Variants in ZNF724 observed in about 807,000 individuals in gnomAD.
ZNF724 encodes zinc finger protein 724.
ZNF724 carries 14 observed loss-of-function variants against 29.3 expected under a neutral mutation model. The observed-to-expected ratio is 0.48, with a 90% CI of 0.32 to 0.75. The LOEUF is 0.75. Among genes scored for constraint, ZNF724 ranks in the 30% least tolerant of loss-of-function variants. ZNF724 has a pLI of 0.04. For synonymous variants in ZNF724, 180 were observed against 193.6 expected (o/e 0.93, Z 0.58); for missense variants, 557 against 571.2 (o/e 0.98, Z 0.25).
At chr19:23,227,333 T>C (rs1207957472) in intron 3 of ZNF724, among the ~76,000 whole-genome samples, 2 of 151,930 alleles carry the variant, frequency 1.3e-5, no homozygotes, top group African/African-American at 2.4e-5. Context: ...GGCAGGTGGA[T>C]CACTTGAGGT....
chr19:23,222,038 C>T lies in ZNF724; in HGVS notation c.*347G>A, dbSNP rs1971724606. Reference sequence around the variant, plus strand: ...ATAAGATGTGAACAGATATTAATGGCTTCTTCACATTCTTTACATTTGCAT... The same window carrying T: ...ATAAGATGTGAACAGATATTAATGGTTTCTTCACATTCTTTACATTTGCAT... On this transcript the variant is annotated 3_prime_UTR_variant, in exon 4 of 4. Coordinates refer to ENST00000418100, the MANE Select transcript of ZNF724 (RefSeq NM_001355404.2). The T allele has an allele frequency of 4.3e-6, 1 of 230,732 alleles. No individual in the cohort carries two copies. The highest frequency in any genetic ancestry group is 2.3e-5 in the African/African-American group (1 of 43,678). 14.3% of individuals were successfully genotyped at this position (230,732 alleles called of 1,614,324 possible). A position where few individuals can be genotyped will look rare whatever the true frequency, so the allele number is the denominator to read the frequency against.
At chr19:23,241,047 CAACAACAAA>C (rs965734577) in intron 1 of ZNF724, among the ~76,000 whole-genome samples, 11 of 151,414 alleles carry the variant, frequency 7.3e-5, no homozygotes, top group Admixed American at 4.6e-4. Context: ...ACAACAACAA[CAACAACAAA>C]AAAAAAAGAC....
intron 1 of ZNF724, among the ~76,000 whole-genome samples, chr19:23,240,865 C>A (rs1972111452): frequency 6.6e-6 from 1 of 151,994 alleles, no homozygotes. Flanking sequence ...AACCCTGTAT[C>A]TACTAAAAAT....
At chr19:23,227,085 T>A (rs1162061401) in intron 3 of ZNF724, among the ~76,000 whole-genome samples, 2 of 152,200 alleles carry the variant, frequency 1.3e-5, no homozygotes, top group Non-Finnish European at 2.9e-5. Flanking sequence ...AGGCAGGTAT[T>A]ATGAATCACT....
intron 1 of ZNF724, among the ~76,000 whole-genome samples, chr19:23,247,098 C>T (rs1972251936): frequency 6.6e-6 from 1 of 152,182 alleles, no homozygotes; most frequent in Non-Finnish European, 1.5e-5. Context: ...TGGTGTGCAC[C>T]TGTAATCCCA....
Position 23,223,442 on chromosome 19 carries a change from T to C in ZNF724, c.803A>G (p.His268Arg), listed in dbSNP as rs770183415. 5.2e-6 allele frequency: 4 copies of C among 766,472 alleles called. No individual in the cohort carries two copies. Among genetic ancestry groups the C allele is most frequent in the South Asian group, 1.4e-5 (1 of 73,370 alleles). The allele number at this position is 766,472 out of a possible 1,614,324, so 47.5% of individuals were successfully genotyped here. Residue 268 changes from histidine to arginine, a missense_variant, in exon 4 of 4, where the codon CAC (histidine) becomes CGC (arginine). His to Arg is a conservative substitution (Grantham distance 29). Coordinates refer to ENST00000418100, the MANE Select transcript of ZNF724 (RefSeq NM_001355404.2). Reference protein sequence around the residue: ...ECGKAFNISSHLTTHKIIHTG... With the variant: ...ECGKAFNISSRLTTHKIIHTG... ...ATGAATTATCTTATGTGTAGTAAGG[T>C]GTGAGGATATGTTAAAAGCTTTTCC... is the stretch of plus-strand genomic sequence containing the variant.
chr19:23,234,336 A>C (rs1971988097), intron 1 of ZNF724, among the ~76,000 whole-genome samples: 1 of 152,236 alleles, frequency 6.6e-6, no homozygotes, highest in Admixed American at 6.5e-5. Flanking sequence ...TAGCCATGTA[A>C]TTTGAGTGCC....
chr19:23,236,098 G>C (rs1273070266), intron 1 of ZNF724, among the ~76,000 whole-genome samples: 1 of 152,174 alleles, frequency 6.6e-6, no homozygotes. Context: ...ATGACAGGAG[G>C]TAATTTTGCA....
At chr19:23,226,132 A>G (rs1971822398) in intron 3 of ZNF724, among the ~76,000 whole-genome samples, 1 of 148,924 alleles carries the variant, frequency 6.7e-6, no homozygotes, top group African/African-American at 2.5e-5. Flanking sequence ...GCTCACTGCA[A>G]GCTCTACCTC....
intron 1 of ZNF724, among the ~76,000 whole-genome samples, chr19:23,239,345 A>G: frequency 6.6e-6 from 1 of 152,200 alleles, no homozygotes; most frequent in East Asian, 1.9e-4. Context: ...AGCAAATTCA[A>G]TTTTCCCAAA....
intron 1 of ZNF724, among the ~76,000 whole-genome samples, chr19:23,240,775 T>C (rs1039638926): frequency 1.4e-5 from 2 of 147,250 alleles, no homozygotes; most frequent in South Asian, 2.1e-4. Flanking sequence ...TTCATGCCTG[T>C]AATCCCAGCA....
At chr19:23,249,669 C>T (rs1972312936) in intron 1 of ZNF724, among the ~76,000 whole-genome samples, 1 of 151,872 alleles carries the variant, frequency 6.6e-6, no homozygotes, top group African/African-American at 2.4e-5. Flanking sequence ...AAAGTGCTAG[C>T]ATTATAGGCG....
At chr19:23,241,786 G>C (rs1972128864) in intron 1 of ZNF724, among the ~76,000 whole-genome samples, 1 of 152,132 alleles carries the variant, frequency 6.6e-6, no homozygotes, top group Non-Finnish European at 1.5e-5. Context: ...CATACTAAAT[G>C]GACACAAGCT....
chr19:23,223,190 G>A lies in ZNF724; in HGVS notation c.1055C>T (p.Thr352Ile), dbSNP rs773327988. ...ECGKAFNVSS[T>I]LTQHKRIHTG... ...ATGAATTCTCTTATGTTGAGTAAGG[G>A]TTGAGGACACATTAAAGGCTTTGCC... is the stretch of plus-strand genomic sequence containing the variant. The change falls in exon 4 of 4, where the codon ACC (threonine) becomes ATC (isoleucine). Residue 352 changes from threonine (T) to isoleucine (I), a missense_variant. This residue lies in a region of ZNF724 where 362 missense variants were observed against 295.5 expected (regional missense o/e 1.22). Transcript: ENST00000418100. The A allele has an allele frequency of 5.1e-6, 6 of 1,176,254 alleles. No homozygotes were observed. The highest frequency in any genetic ancestry group is 1.2e-5 in the South Asian group (1 of 81,758). 72.9% of individuals were successfully genotyped at this position (1,176,254 alleles called of 1,614,324 possible).
At chr19:23,240,666 T>C (rs1043851601) in intron 1 of ZNF724, among the ~76,000 whole-genome samples, 7 of 147,234 alleles carry the variant, frequency 4.8e-5, no homozygotes, top group African/African-American at 1.5e-4. Flanking sequence ...GTTGCGGTAA[T>C]CTGAGATCAT....
intron 1 of ZNF724, among the ~76,000 whole-genome samples, chr19:23,248,061 A>G (rs1001005106): frequency 6.6e-6 from 1 of 152,196 alleles, no homozygotes; most frequent in Non-Finnish European, 1.5e-5. Flanking sequence ...AAAGTTTACA[A>G]AAAACACTGA....
chr19:23,235,209 G>A (rs921268924), intron 1 of ZNF724, among the ~76,000 whole-genome samples: 3 of 151,200 alleles, frequency 2.0e-5, no homozygotes, highest in African/African-American at 7.3e-5. Flanking sequence ...CAAACTGGGA[G>A]TCAGCACAGC....
chr19:23,243,290 C>A (rs1184103071), intron 1 of ZNF724, among the ~76,000 whole-genome samples: 4 of 150,834 alleles, frequency 2.7e-5, no homozygotes, highest in Admixed American at 6.6e-5. Flanking sequence ...CCAGCCTGGC[C>A]AACATGGTGA....
chr19:23,235,370 GA>G, intron 1 of ZNF724, among the ~76,000 whole-genome samples: 2 of 152,202 alleles, frequency 1.3e-5, no homozygotes, highest in East Asian at 3.9e-4. Context: ...GTAGTTTAAA[GA>G]AATTTTTATT....
Sources: gnomAD v4.1 joint callset for allele counts (sites outside exome capture counted in the v4.1 genomes callset) on GRCh38, gnomAD v4.1.1 for gene constraint, gnomAD v4.1.1 regional missense constraint, MANE v1.5 for transcripts, NCBI Gene and HGNC (gene_info 2026-07-23, HGNC 2026-07-21) for gene names.